PPFIA2: variants seen among roughly 807,000 people sequenced by gnomAD.
The protein encoded by PPFIA2 is liprin-alpha-2.
PPFIA2 carries 46 observed loss-of-function variants against 175.5 expected under a neutral mutation model. The ratio of observed to expected loss-of-function variants is 0.26; its 90% CI spans 0.21 to 0.34. PPFIA2 has a LOEUF of 0.34. PPFIA2 is among the 10% of genes least tolerant of loss of function. PPFIA2 has a pLI of 1.00. For synonymous variants in PPFIA2, 568 were observed against 511.4 expected, an observed-to-expected ratio of 1.11 and a Z score of -1.49; for missense variants, 1,179 against 1,506.1, an observed-to-expected ratio of 0.78 and a Z score of 3.60.
chr12:81,287,091 C>T (rs546655168), intron 24 of PPFIA2, among the ~76,000 whole-genome samples: 2 of 151,962 alleles, frequency 1.3e-5, no homozygotes, highest in African/African-American at 2.4e-5. Flanking sequence ...ACTGAGTTAT[C>T]GTGGTGCTTT....
intron 4 of PPFIA2, among the ~76,000 whole-genome samples, chr12:81,543,852 C>T (rs2066584884): frequency 6.6e-6 from 1 of 152,088 alleles, no homozygotes; most frequent in African/African-American, 2.4e-5. Context: ...AAACCCATAA[C>T]TCTAATCTGA....
intron 3 of PPFIA2, among the ~76,000 whole-genome samples, chr12:81,721,438 T>C (rs1456636354): frequency 4.0e-5 from 6 of 148,876 alleles, no homozygotes; most frequent in Admixed American, 6.8e-5. Flanking sequence ...TAACACCTAA[T>C]ACACACACAC....
chr12:81,626,341 T>C (rs1354724495), intron 4 of PPFIA2, among the ~76,000 whole-genome samples: 1 of 151,988 alleles, frequency 6.6e-6, no homozygotes, highest in African/African-American at 2.4e-5. Context: ...AAGTGGCCTA[T>C]TCCAACTTAT....
chr12:81,610,062 G>A (rs1214027047), intron 4 of PPFIA2, among the ~76,000 whole-genome samples: 1 of 152,042 alleles, frequency 6.6e-6, no homozygotes, highest in African/African-American at 2.4e-5. Flanking sequence ...AAAATTCTTG[G>A]TTGATTTTTT....
intron 4 of PPFIA2, among the ~76,000 whole-genome samples, chr12:81,565,371 A>G (rs2071071883): frequency 6.6e-6 from 1 of 152,104 alleles, no homozygotes; most frequent in South Asian, 2.1e-4. Context: ...GCCCTCGAAT[A>G]TCAGACTCCA....
chr12:81,405,245 A>G (rs2042728984), intron 8 of PPFIA2, among the ~76,000 whole-genome samples: 1 of 152,152 alleles, frequency 6.6e-6, no homozygotes. Flanking sequence ...ATTTTATGTT[A>G]TCTCTCATTA....
chr12:81,415,197 AAAAAAAAAAAAAAATATATATATATAT>A (rs1566727227), intron 7 of PPFIA2, among the ~76,000 whole-genome samples: 4 of 57,044 alleles, frequency 7.0e-5, no homozygotes, highest in East Asian at 5.2e-4. Flanking sequence ...AAAAAAAAAA[AAAAAAAAAAAAAAATATATATATATAT>A]ATATATATAT....
At chr12:81,519,298 G>A (rs1280616208) in intron 4 of PPFIA2, among the ~76,000 whole-genome samples, 2 of 152,194 alleles carry the variant, frequency 1.3e-5, no homozygotes, top group South Asian at 4.1e-4. Context: ...TCCTCAATCT[G>A]TCTTTAAGGA....
At position 81,676,862 on chromosome 12, in the gene PPFIA2, G is replaced by A. The variant is rs1461033963; in HGVS notation, c.250-18C>T. On this transcript the variant is annotated intron_variant, in intron 3 of 32. Transcript: ENST00000549396. ...TCGATATCCTGAAAAGGGGAGAGGT[G>A]TTGATTGTAAAGTGCTACTCAACAG... 1.9e-6 allele frequency: 3 copies of A among 1,569,712 alleles called. No individual in the cohort carries two copies. In the Admixed American group the frequency reaches 5.6e-5, roughly 29 times the overall value.
chr12:81,581,148 C>CTTTT (rs5799542), intron 4 of PPFIA2, among the ~76,000 whole-genome samples: 2 of 139,590 alleles, frequency 1.4e-5, no homozygotes, highest in African/African-American at 5.3e-5. Context: ...GTCATAGACA[C>CTTTT]TTTTTTTTTT....
intron 4 of PPFIA2, among the ~76,000 whole-genome samples, chr12:81,570,191 T>C (rs1003892613): frequency 3.9e-5 from 6 of 152,224 alleles, no homozygotes; most frequent in Admixed American, 6.5e-5. Context: ...AGATGATGTA[T>C]TGAAAGATAA....
intron 7 of PPFIA2, among the ~76,000 whole-genome samples, chr12:81,412,314 A>T (rs2044114450): frequency 1.4e-5 from 2 of 142,090 alleles, no homozygotes; most frequent in South Asian, 4.8e-4. Context: ...TCTTGTGTAG[A>T]TTACATTCTA....
chr12:81,438,646 A>G (rs1039671220), intron 7 of PPFIA2, among the ~76,000 whole-genome samples: 4 of 152,078 alleles, frequency 2.6e-5, no homozygotes, highest in Non-Finnish European at 4.4e-5. Context: ...AGCCTCATAT[A>G]TTTTTATAAA....
chr12:81,537,626 C>T lies in PPFIA2; in HGVS notation c.304-79760G>A, dbSNP rs149336590. On this transcript the variant is annotated intron_variant, in intron 4 of 32. Transcript: ENST00000549396. The stretch of plus-strand genomic sequence containing the variant: ...AACTCTTGGTAAACTTAGATGTTCT[C>T]TACAGACCACGTATTCTAATGTCAA... Among the ~76,000 whole-genome samples, 404 of 151,918 alleles carry T rather than the reference C, an allele frequency of 2.7e-3. 3 individuals carry two copies. The highest frequency in any genetic ancestry group is 9.0e-3 in the African/African-American group (374 of 41,488).
At chr12:81,728,011 A>G (rs2080318483) in intron 3 of PPFIA2, among the ~76,000 whole-genome samples, 1 of 151,472 alleles carries the variant, frequency 6.6e-6, no homozygotes, top group South Asian at 2.1e-4. Flanking sequence ...ACTAAAACAA[A>G]TGCAAAGTTG....
At chr12:81,610,341 A>C (rs1437201586) in intron 4 of PPFIA2, among the ~76,000 whole-genome samples, 6 of 152,142 alleles carry the variant, frequency 3.9e-5, no homozygotes, top group Admixed American at 2.0e-4. Context: ...ATATTTTCCA[A>C]ATTGTTTATT....
intron 3 of PPFIA2, among the ~76,000 whole-genome samples, chr12:81,704,124 G>A (rs1452877784): frequency 6.6e-6 from 1 of 152,046 alleles, no homozygotes; most frequent in Non-Finnish European, 1.5e-5. Flanking sequence ...CCTGGACTTT[G>A]CAGCACTCAA....
At chr12:81,340,839 G>A (rs2057921604) in intron 20 of PPFIA2, among the ~76,000 whole-genome samples, 1 of 151,998 alleles carries the variant, frequency 6.6e-6, no homozygotes. Context: ...AAATAGAAGA[G>A]TTATTCTTAT....
At chr12:81,515,064 C>G (rs953679097) in intron 4 of PPFIA2, among the ~76,000 whole-genome samples, 1 of 151,674 alleles carries the variant, frequency 6.6e-6, no homozygotes, top group Non-Finnish European at 1.5e-5. Context: ...CTGGCATTGC[C>G]GTGAATTTTA....
Sources: gnomAD v4.1 joint callset for allele counts (sites outside exome capture counted in the v4.1 genomes callset) on GRCh38, gnomAD v4.1.1 for gene constraint, MANE v1.5 for transcripts, NCBI Gene and HGNC (gene_info 2026-07-23, HGNC 2026-07-21) for gene names.